Variants in MYT1L observed in about 807,000 individuals in gnomAD.
The protein encoded by MYT1L is myelin transcription factor 1 like, also known as myelin transcription factor 1-like protein.
Under a neutral mutation model 126.7 loss-of-function variants are expected in MYT1L, and 12 were observed. The ratio of observed to expected loss-of-function variants is 0.09; its 90% CI spans 0.06 to 0.15. The LOEUF (loss-of-function observed/expected upper bound fraction) is 0.15, where lower values mean the gene tolerates loss of function less well. Ranked by LOEUF, MYT1L falls within the 10% of genes least tolerant of loss-of-function variation. MYT1L has a pLI of 1.00. For synonymous variants in MYT1L, 541 were observed against 604.2 expected (o/e 0.90, Z 1.53); for missense variants, 979 against 1,585.2 (o/e 0.62, Z 6.49).
intron 4 of MYT1L, among the ~76,000 whole-genome samples, chr2:2,043,997 G>T (rs866203981): frequency 1.9e-4 from 29 of 152,264 alleles, no homozygotes; most frequent in African/African-American, 7.0e-4. Context: ...AAAAAAATGA[G>T]TAAGGAGAGA....
chr2:2,189,066 A>G (rs908097917), intron 2 of MYT1L, among the ~76,000 whole-genome samples: 58 of 152,234 alleles, frequency 3.8e-4, no homozygotes, highest in African/African-American at 1.3e-3. Context: ...CAGCCTCTCC[A>G]ATCCATTGCT....
At chr2:1,814,863 C>A (rs1388899456) in intron 21 of MYT1L, among the ~76,000 whole-genome samples, 3 of 152,124 alleles carry the variant, frequency 2.0e-5, no homozygotes, top group African/African-American at 7.2e-5. Context: ...CTGCTCCAGG[C>A]TTGCTTCTTG....
intron 8 of MYT1L, among the ~76,000 whole-genome samples, chr2:1,956,218 T>TATC (rs764459292): frequency 7.5e-6 from 1 of 133,650 alleles, no homozygotes; most frequent in Non-Finnish European, 1.5e-5. Flanking sequence ...TCTATCTATC[T>TATC]ATCTATCTGT....
intron 8 of MYT1L, among the ~76,000 whole-genome samples, chr2:1,949,194 CCTTGGA>C (rs1212516704): frequency 6.6e-6 from 1 of 152,226 alleles, no homozygotes; most frequent in Non-Finnish European, 1.5e-5. Flanking sequence ...GCTGTCTTAT[CCTTGGA>C]CTTCTCACAA....
chr2:2,190,046 G>A (rs2092491395), intron 2 of MYT1L, among the ~76,000 whole-genome samples: 1 of 152,208 alleles, frequency 6.6e-6, no homozygotes, highest in African/African-American at 2.4e-5. Context: ...TAACACCTCA[G>A]TGTTTCTCCT....
At chr2:2,155,969 T>C (rs1051345754) in intron 3 of MYT1L, among the ~76,000 whole-genome samples, 1 of 152,154 alleles carries the variant, frequency 6.6e-6, no homozygotes, top group Non-Finnish European at 1.5e-5. Context: ...TGGGATCTAA[T>C]TCTAGGGTCT....
At position 1,874,521 on chromosome 2, in the gene MYT1L, T is replaced by C. The variant is rs78674154; in HGVS notation, c.2711+12018A>G. Among the ~76,000 whole-genome samples the C allele has an allele frequency of 1.0e-2, 1,520 of 152,146 alleles. 30 individuals are homozygous for C. Among genetic ancestry groups the C allele is most frequent in the African/African-American group, 0.035 (1,462 of 41,526 alleles). On this transcript the variant is annotated intron_variant, in intron 18 of 24. Transcript: ENST00000647738. The stretch of plus-strand genomic sequence containing the variant: ...GGACGGGCCATGTGGGCTCAGGGCA[T>C]GATGGGGGGCAGCCAGGCGTACCTA...
chr2:1,934,671 G>A (rs2055581841), intron 9 of MYT1L, among the ~76,000 whole-genome samples: 1 of 148,058 alleles, frequency 6.8e-6, no homozygotes, highest in South Asian at 2.2e-4. Context: ...CTGTCTCTCT[G>A]TCTGTCTCAT....
chr2:1,952,804 CCTCCCTCCCTTCCTCT>C (rs1558517282), intron 8 of MYT1L, among the ~76,000 whole-genome samples: 2 of 49,384 alleles, frequency 4.0e-5, no homozygotes, highest in Non-Finnish European at 7.3e-5. Context: ...TCCTTCTCTC[CCTCCCTCCCTTCCTCT>C]CTCCCTCCCT....
At chr2:2,110,651 C>T (rs2079318843) in intron 3 of MYT1L, among the ~76,000 whole-genome samples, 2 of 151,544 alleles carry the variant, frequency 1.3e-5, no homozygotes, top group Non-Finnish European at 2.9e-5. Flanking sequence ...CTTCCTCTGC[C>T]ACCCTGTCTG....
At chr2:1,903,759 C>G (rs2050649824) in intron 13 of MYT1L, among the ~76,000 whole-genome samples, 1 of 152,076 alleles carries the variant, frequency 6.6e-6, no homozygotes, top group African/African-American at 2.4e-5. Context: ...AGAACCAGAT[C>G]AAAATGTACC....
rs563708705 is a variant in MYT1L at position 2,086,787 on chromosome 2, CTTAT to C, written c.-303-32668_-303-32665del. On this transcript the variant is annotated intron_variant, in intron 3 of 24. Transcript: ENST00000647738. ...AACTTCCCCTTAGGAAGATTCTCTCCTTATTTGTTAGACACCTTTGGCTTCTTCT... is the reference window on the plus strand; with the variant it reads ...AACTTCCCCTTAGGAAGATTCTCTCCTTGTTAGACACCTTTGGCTTCTTCT... Among the ~76,000 whole-genome samples the C allele has an allele frequency of 3.8e-3, 586 of 152,224 alleles. 2 individuals are homozygous for C. The highest frequency in any genetic ancestry group is 0.017 in the Middle Eastern group (5 of 294).
At chr2:1,824,784 T>C (rs1281520947) in intron 21 of MYT1L, 15 of 152,250 alleles carry the variant, frequency 9.9e-5, no homozygotes, top group Non-Finnish European at 2.1e-4. Flanking sequence ...ATGCATAATT[T>C]GTTCTTCTTA....
At chr2:1,951,788 C>T (rs2057775873) in intron 8 of MYT1L, among the ~76,000 whole-genome samples, 1 of 152,212 alleles carries the variant, frequency 6.6e-6, no homozygotes, top group African/African-American at 2.4e-5. Context: ...TCTGAGTTCT[C>T]CTTTTCTTAT....
chr2:2,014,196 G>GTT (rs542058607), intron 4 of MYT1L, among the ~76,000 whole-genome samples: 4,129 of 137,058 alleles, frequency 0.03, 181 homozygotes, highest in African/African-American at 0.1. Flanking sequence ...CAGGAATCCT[G>GTT]TTTTTTTTTT....
chr2:2,055,396 G>A (rs2069387071), intron 3 of MYT1L, among the ~76,000 whole-genome samples: 1 of 152,170 alleles, frequency 6.6e-6, no homozygotes, highest in Non-Finnish European at 1.5e-5. Context: ...AACATCTTGG[G>A]TAATAATTTA....
intron 18 of MYT1L, among the ~76,000 whole-genome samples, chr2:1,876,875 T>A (rs1186014098): frequency 1.3e-5 from 2 of 152,178 alleles, no homozygotes; most frequent in Non-Finnish European, 2.9e-5. Flanking sequence ...CTTCTAAGCA[T>A]GCTGGGACTA....
intron 1 of MYT1L, among the ~76,000 whole-genome samples, chr2:2,310,389 C>T (rs184041519): frequency 3.1e-4 from 47 of 152,222 alleles, no homozygotes; most frequent in South Asian, 1.2e-3. Context: ...TCCACCTACA[C>T]TTCAGTATAC....
intron 3 of MYT1L, among the ~76,000 whole-genome samples, chr2:2,153,174 C>A (rs1385428789): frequency 6.6e-6 from 1 of 152,084 alleles, no homozygotes; most frequent in Non-Finnish European, 1.5e-5. Context: ...TGGTGGGTGC[C>A]TATAGTCCCA....
Sources: allele counts gnomAD v4.1 joint callset (sites outside exome capture counted in the v4.1 genomes callset), GRCh38; gene constraint gnomAD v4.1.1; transcripts MANE v1.5; gene names NCBI Gene and HGNC (gene_info 2026-07-23, HGNC 2026-07-21).